The following ANKRD6 variants were observed in gnomAD, a reference collection of about 807,000 sequenced individuals.
The protein encoded by ANKRD6 is ankyrin repeat domain 6.
Under a neutral mutation model 82.3 loss-of-function variants are expected in ANKRD6, and 56 were observed. The observed-to-expected ratio is 0.68, with a 90% CI of 0.55 to 0.85. ANKRD6 has a LOEUF of 0.85. Among genes scored for constraint, ANKRD6 ranks in the 40% least tolerant of loss-of-function variants. The pLI, the probability that ANKRD6 is intolerant of heterozygous loss-of-function variation, is 0.00. For synonymous variants in ANKRD6, 347 were observed against 352.1 expected (o/e 0.99, Z 0.16); for missense variants, 852 against 907.6 (o/e 0.94, Z 0.79).
chr6:89,616,943 G>A (rs948975904), intron 8 of ANKRD6: 9 of 570,028 alleles, frequency 1.6e-5, no homozygotes, highest in Admixed American at 6.6e-5. Flanking sequence ...ACTGACGAGT[G>A]GATGTTACCC....
chr6:89,580,577 A>C (rs1020358693), intron 2 of ANKRD6, among the ~76,000 whole-genome samples: 2 of 152,118 alleles, frequency 1.3e-5, no homozygotes, highest in African/African-American at 4.8e-5. Flanking sequence ...CAGGCTCTGC[A>C]CCGAGAGGCT....
chr6:89,467,875 G>A (rs980006291), intron 1 of ANKRD6, among the ~76,000 whole-genome samples: 2 of 152,154 alleles, frequency 1.3e-5, no homozygotes, highest in East Asian at 1.9e-4. Context: ...CATATATTTC[G>A]TGAAACCTGG....
chr6:89,454,229 C>T (rs918826592), intron 1 of ANKRD6, among the ~76,000 whole-genome samples: 2 of 152,160 alleles, frequency 1.3e-5, no homozygotes, highest in African/African-American at 2.4e-5. Context: ...CTAGAGTCTT[C>T]GCATGGTGGT....
At chr6:89,596,085 G>A in intron 3 of ANKRD6, 71 bp downstream of exon 3, 1 of 1,346,598 alleles carries the variant, frequency 7.4e-7, no homozygotes, top group Non-Finnish European at 1.0e-6. Flanking sequence ...TCCACAAAGT[G>A]TAAGCTGTGA....
At position 89,550,393 on chromosome 6, in the gene ANKRD6, CAAAT is replaced by C. The variant is rs549396697; in HGVS notation, c.-143-16437_-143-16434del. On this transcript the variant is annotated intron_variant, in intron 1 of 15. Coordinates refer to ENST00000339746, the MANE Select transcript of ANKRD6 (RefSeq NM_001242809.2). ...TCATAACAATATTGGATAAATTTCA[CAAAT>C]AAAATCTTGAGTGAAAGAAGCCAGA... 1.6e-3 allele frequency among the ~76,000 whole-genome samples: 242 copies of C among 152,158 alleles called. 1 individual carries two copies. The highest frequency in any genetic ancestry group is 5.6e-3 in the African/African-American group (232 of 41,524).
At chr6:89,440,907 G>A (rs539006090) in intron 1 of ANKRD6, among the ~76,000 whole-genome samples, 1 of 152,152 alleles carries the variant, frequency 6.6e-6, no homozygotes, top group South Asian at 2.1e-4. Flanking sequence ...GGTGTCTATA[G>A]CTGCTTTCAA....
rs1395631499 is a variant in ANKRD6, at chr6:89,623,393, G to A, written c.898-17G>A. On this transcript the variant is annotated splice_polypyrimidine_tract_variant and intron_variant, in intron 10 of 15. Transcript: ENST00000339746. ...GGAAGCAAACACAATGGGTCTCTGG[G>A]CTTTTTCCTTCTGTAGGGCAGTGTC... is the stretch of plus-strand genomic sequence containing the variant. 4 of 1,605,206 alleles carry A rather than the reference G, an allele frequency of 2.5e-6. No homozygotes were observed. In the African/African-American group the frequency reaches 4.0e-5, roughly 16 times the overall value.
At chr6:89,617,711 C>T (rs139480519) in intron 8 of ANKRD6, among the ~76,000 whole-genome samples, 4 of 152,358 alleles carry the variant, frequency 2.6e-5, no homozygotes, top group African/African-American at 7.2e-5. Flanking sequence ...CCTTGGTCTG[C>T]CCTTGCCCTC....
At chr6:89,527,701 TTGCTGGTGGAGGTTTC>T (rs998504463) in intron 1 of ANKRD6, among the ~76,000 whole-genome samples, 5 of 152,108 alleles carry the variant, frequency 3.3e-5, no homozygotes, top group Non-Finnish European at 7.4e-5. Flanking sequence ...TGCAATCTTT[TTGCTGGTGGAGGTTTC>T]TGCTGGTGGA....
intron 1 of ANKRD6, among the ~76,000 whole-genome samples, chr6:89,563,944 G>A (rs1173103030): frequency 6.6e-6 from 1 of 152,134 alleles, no homozygotes; most frequent in Non-Finnish European, 1.5e-5. Flanking sequence ...CACACCCAAG[G>A]CTGAAGGTGC....
intron 1 of ANKRD6, among the ~76,000 whole-genome samples, chr6:89,451,979 A>G (rs1772879413): frequency 2.6e-5 from 4 of 152,106 alleles, no homozygotes; most frequent in Admixed American, 2.0e-4. Flanking sequence ...GGAGGAATAC[A>G]TGAGGCCAGG....
At chr6:89,583,768 A>G (rs1259194641) in intron 2 of ANKRD6, among the ~76,000 whole-genome samples, 2 of 152,290 alleles carry the variant, frequency 1.3e-5, no homozygotes, top group East Asian at 3.9e-4. Context: ...CAGAATTGCA[A>G]TGTCTTTTCC....
In ANKRD6 at chr6:89,632,956, C is replaced by T. The variant is rs1807695353; in HGVS notation, c.*1952C>T. ...GAATTATTTTCACTTACCAAAATAT[C>T]TCCTATTACCTCAAGGTATCCTTGT... On this transcript the variant is annotated 3_prime_UTR_variant, in exon 16 of 16. Transcript: ENST00000339746. The T allele has an allele frequency of 1.3e-5, 2 of 152,174 alleles. No individual in the cohort carries two copies. The highest frequency in any genetic ancestry group is 4.8e-5 in the African/African-American group (2 of 41,422). 9.4% of individuals were successfully genotyped at this position (152,174 alleles called of 1,614,324 possible). A position where few individuals can be genotyped will look rare whatever the true frequency, so the allele number is the denominator to read the frequency against.
chr6:89,471,878 G>T (rs953018437), intron 1 of ANKRD6, among the ~76,000 whole-genome samples: 1 of 137,080 alleles, frequency 7.3e-6, no homozygotes, highest in Non-Finnish European at 1.5e-5. Flanking sequence ...GGCAGAGTTT[G>T]CAGTGAGATG....
At chr6:89,483,621 C>T (rs1428026559) in intron 1 of ANKRD6, 4 of 152,200 alleles carry the variant, frequency 2.6e-5, no homozygotes, top group Non-Finnish European at 5.9e-5. Flanking sequence ...GCAAGCTTCT[C>T]CCAGCTGCAT....
chr6:89,625,291 A>G (rs1312226051), intron 13 of ANKRD6, among the ~76,000 whole-genome samples: 1 of 152,168 alleles, frequency 6.6e-6, no homozygotes, highest in African/African-American at 2.4e-5. Flanking sequence ...TAGAAAAAAA[A>G]AAAAATTAGA....
At chr6:89,581,562 T>A (rs1792534973) in intron 2 of ANKRD6, 1 of 152,258 alleles carries the variant, frequency 6.6e-6, no homozygotes. Context: ...TCTGCTAAGG[T>A]GCATTTGGCC....
intron 1 of ANKRD6, among the ~76,000 whole-genome samples, chr6:89,552,376 G>A (rs937349560): frequency 1.3e-5 from 2 of 152,168 alleles, no homozygotes; most frequent in African/African-American, 4.8e-5. Flanking sequence ...CCTCCCTGAT[G>A]GCCAGCTGTA....
chr6:89,630,706 C>T lies in ANKRD6; in HGVS notation c.1886C>T (p.Thr629Ile). The T allele has an allele frequency of 1.9e-6, 3 of 1,613,962 alleles. No homozygotes were observed. Among genetic ancestry groups the T allele is most frequent in the Non-Finnish European group, 2.5e-6 (3 of 1,179,886 alleles). The change falls in exon 16 of 16, where the codon ACA becomes ATA. Residue 629 changes from threonine to isoleucine, a missense_variant. Physicochemically the swap from Thr to Ile is moderately conservative, Grantham distance 89. Transcript: ENST00000339746. Reference sequence around the variant, plus strand: ...AAGAAGTCTGGGAAGAGTGGGCCAACAAGGCATCGTGCCCAGCAACCCGCA... The same window carrying T: ...AAGAAGTCTGGGAAGAGTGGGCCAATAAGGCATCGTGCCCAGCAACCCGCA... ...QTKKSGKSGP[T>I]RHRAQQPAAS...
Sources: allele counts gnomAD v4.1 joint callset (sites outside exome capture counted in the v4.1 genomes callset), GRCh38; gene constraint gnomAD v4.1.1; transcripts MANE v1.5; gene names NCBI Gene and HGNC (gene_info 2026-07-23, HGNC 2026-07-21).